Variants in PARD3B observed in about 807,000 individuals in gnomAD.
The protein encoded by PARD3B is partitioning defective 3 homolog B.
Under a neutral mutation model 130.2 loss-of-function variants are expected in PARD3B, and 103 were observed. That is an observed-to-expected ratio of 0.79 (90% CI 0.67 to 0.93). The LOEUF is 0.93. Among genes scored for constraint, PARD3B ranks in the 40% least tolerant of loss-of-function variants. The probability of loss-of-function intolerance (pLI) is 0.00; values close to 1 mark genes in which losing one functional copy is unlikely to be tolerated. For missense variants in PARD3B, 1,609 were observed against 1,499.2 expected, an observed-to-expected ratio of 1.07 and a Z score of -1.21; for synonymous variants, 583 against 553.2, an observed-to-expected ratio of 1.05 and a Z score of -0.76.
intron 19 of PARD3B, among the ~76,000 whole-genome samples, chr2:205,437,767 G>A (rs892716696): frequency 6.6e-6 from 1 of 152,086 alleles, no homozygotes; most frequent in African/African-American, 2.4e-5. Context: ...AGAGAAAGAG[G>A]AGATTTAAAC....
intron 4 of PARD3B, among the ~76,000 whole-genome samples, chr2:205,100,452 A>G (rs1702693568): frequency 6.6e-6 from 1 of 151,556 alleles, no homozygotes; most frequent in African/African-American, 2.4e-5. Flanking sequence ...CAAAAACCCA[A>G]CTGTTTTTTT....
intron 18 of PARD3B, among the ~76,000 whole-genome samples, chr2:205,385,030 G>GA: frequency 6.6e-6 from 1 of 151,626 alleles, no homozygotes; most frequent in East Asian, 1.9e-4. Flanking sequence ...ATAGGTATTT[G>GA]AAAAATACTT....
At chr2:205,410,737 A>G (rs2046567865) in intron 19 of PARD3B, among the ~76,000 whole-genome samples, 1 of 152,178 alleles carries the variant, frequency 6.6e-6, no homozygotes, top group African/African-American at 2.4e-5. Context: ...AGAATTTGTA[A>G]GTCTCTCATC....
rs138613486 is a variant in PARD3B at position 204,835,333 on chromosome 2, T to C, written c.223-129819T>C. Among the ~76,000 whole-genome samples the C allele has an allele frequency of 3.2e-3, 491 of 152,326 alleles. 7 individuals carry two copies. Among genetic ancestry groups the C allele is most frequent in the Admixed American group, 8.4e-3 (128 of 15,304 alleles). ...TATAGATGTGGGGAAGAAGACTCCT[T>C]ACTGAGATATCACTGAAGCATTTTT... On this transcript the variant is annotated intron_variant, in intron 2 of 22. Coordinates refer to ENST00000406610, the MANE Select transcript of PARD3B (RefSeq NM_001302769.2).
chr2:205,314,039 G>A (rs369161710), intron 18 of PARD3B, among the ~76,000 whole-genome samples: 131 of 152,202 alleles, frequency 8.6e-4, no homozygotes, highest in African/African-American at 2.7e-3. Context: ...TTCCTGGTGG[G>A]ACTGTATTTG....
At chr2:204,716,342 A>T (rs551259773) in intron 2 of PARD3B, among the ~76,000 whole-genome samples, 2 of 152,214 alleles carry the variant, frequency 1.3e-5, no homozygotes, top group Admixed American at 6.5e-5. Flanking sequence ...CTACCAAATC[A>T]GAATCTGCAT....
intron 3 of PARD3B, among the ~76,000 whole-genome samples, chr2:204,997,917 T>G (rs544193605): frequency 6.7e-6 from 1 of 148,306 alleles, no homozygotes; most frequent in African/African-American, 2.5e-5. Flanking sequence ...TATTTATTAT[T>G]TATATACTTA....
chr2:204,934,420 T>C (rs766248142), intron 2 of PARD3B, among the ~76,000 whole-genome samples: 15 of 152,198 alleles, frequency 9.9e-5, no homozygotes, highest in Non-Finnish European at 1.9e-4. Flanking sequence ...AAATGGTGTT[T>C]TTGGAACAAT....
intron 2 of PARD3B, among the ~76,000 whole-genome samples, chr2:204,829,063 C>G (rs1201787518): frequency 6.6e-6 from 1 of 152,180 alleles, no homozygotes; most frequent in Non-Finnish European, 1.5e-5. Context: ...GTAACTGTTT[C>G]ATTGAAGTTT....
chr2:204,570,541 C>T lies in PARD3B; in HGVS notation c.120+24422C>T, dbSNP rs1357362777. ...GTGGTTTGGGGACCTCTCAAAAATA[C>T]GGAGAGTCTTGTTTGCCTGGATAGG... On this transcript the variant is annotated intron_variant, in intron 1 of 22. Transcript: ENST00000406610. Among the ~76,000 whole-genome samples the T allele has an allele frequency of 2.6e-5, 4 of 152,096 alleles. No homozygotes were observed. The East Asian group carries it at 5.8e-4, about 22-fold the overall frequency.
intron 21 of PARD3B, among the ~76,000 whole-genome samples, chr2:205,518,050 T>C (rs1400372191): frequency 1.3e-5 from 2 of 152,204 alleles, no homozygotes; most frequent in African/African-American, 2.4e-5. Flanking sequence ...GAGATGAATG[T>C]ATATTCTGTT....
chr2:205,017,718 T>G (rs1296693977), intron 3 of PARD3B, among the ~76,000 whole-genome samples: 4 of 152,192 alleles, frequency 2.6e-5, no homozygotes, highest in Admixed American at 6.5e-5. Context: ...TTCTGCTTAA[T>G]TTTTTGATAG....
At chr2:204,960,658 T>A (rs1267342893) in intron 2 of PARD3B, among the ~76,000 whole-genome samples, 1 of 152,200 alleles carries the variant, frequency 6.6e-6, no homozygotes, top group Non-Finnish European at 1.5e-5. Flanking sequence ...CATATTTCAC[T>A]AATTTTTTTC....
chr2:205,103,707 C>T (rs1319275695), intron 4 of PARD3B: 4 of 985,230 alleles, frequency 4.1e-6, no homozygotes, highest in Non-Finnish European at 4.8e-6. Flanking sequence ...CTAATGTCTT[C>T]TGTAAGGAAG....
chr2:205,102,125 G>A (rs964614420), intron 4 of PARD3B, among the ~76,000 whole-genome samples: 6 of 152,096 alleles, frequency 3.9e-5, no homozygotes, highest in South Asian at 2.1e-4. Context: ...ACTTACAAGC[G>A]ATCCAACCCT....
chr2:205,426,039 A>G (rs925593884), intron 19 of PARD3B, among the ~76,000 whole-genome samples: 5 of 152,168 alleles, frequency 3.3e-5, no homozygotes, highest in African/African-American at 4.8e-5. Flanking sequence ...TATCCCATCA[A>G]TCTAGTTCCC....
intron 2 of PARD3B, among the ~76,000 whole-genome samples, chr2:204,917,755 TTTG>T (rs1434951726): frequency 6.6e-6 from 1 of 152,320 alleles, no homozygotes; most frequent in East Asian, 1.9e-4. Flanking sequence ...GAGCATTTCA[TTTG>T]TTGTTCAAAT....
At chr2:205,535,736 G>A (rs2051822411) in intron 21 of PARD3B, among the ~76,000 whole-genome samples, 1 of 152,196 alleles carries the variant, frequency 6.6e-6, no homozygotes, top group Non-Finnish European at 1.5e-5. Flanking sequence ...TGTGCAAAGT[G>A]GCTCTGTGCT....
intron 20 of PARD3B, among the ~76,000 whole-genome samples, chr2:205,454,708 G>T (rs1200135952): frequency 6.6e-6 from 1 of 152,034 alleles, no homozygotes; most frequent in African/African-American, 2.4e-5. Flanking sequence ...GTTCAGTAGG[G>T]GGCCTAGGCT....
Sources: gnomAD v4.1 joint callset for allele counts (sites outside exome capture counted in the v4.1 genomes callset) on GRCh38, gnomAD v4.1.1 for gene constraint, MANE v1.5 for transcripts, NCBI Gene and HGNC (gene_info 2026-07-23, HGNC 2026-07-21) for gene names.